The following THSD7A variants were observed in gnomAD, a reference collection of about 807,000 sequenced individuals.
The protein encoded by THSD7A is thrombospondin type-1 domain-containing protein 7A.
THSD7A carries 96 observed loss-of-function variants against 231.3 expected under a neutral mutation model. That is an observed-to-expected ratio of 0.41 (90% CI 0.35 to 0.49). The LOEUF (loss-of-function observed/expected upper bound fraction) is 0.49, where lower values mean the gene tolerates loss of function less well. Among genes scored for constraint, THSD7A ranks in the 20% least tolerant of loss-of-function variants. The probability of loss-of-function intolerance (pLI) is 0.05; values close to 1 mark genes in which losing one functional copy is unlikely to be tolerated. For synonymous variants in THSD7A, 940 were observed against 743.3 expected, an observed-to-expected ratio of 1.26 and a Z score of -4.30; for missense variants, 2,290 against 2,070.2, an observed-to-expected ratio of 1.11 and a Z score of -2.06.
chr7:11,494,150 C>T (rs561753307), intron 6 of THSD7A, among the ~76,000 whole-genome samples: 1 of 152,050 alleles, frequency 6.6e-6, no homozygotes, highest in South Asian at 2.1e-4. Flanking sequence ...CAATGTGGCA[C>T]AAATAGTCAG....
At chr7:11,494,792 A>G (rs955719316) in intron 6 of THSD7A, among the ~76,000 whole-genome samples, 5 of 152,064 alleles carry the variant, frequency 3.3e-5, no homozygotes, top group Admixed American at 1.3e-4. Context: ...GAGCATTCTT[A>G]TGGGCACTTC....
chr7:11,769,147 A>ATTTTTTTTTTTCTTTT (rs1562541356), intron 1 of THSD7A, among the ~76,000 whole-genome samples: 1 of 35,654 alleles, frequency 2.8e-5, no homozygotes, highest in Non-Finnish European at 6.1e-5. Context: ...ATATATATAT[A>ATTTTTTTTTTTCTTTT]TATATATTTT....
At chr7:11,473,601 T>G (rs1221361463) in intron 8 of THSD7A, among the ~76,000 whole-genome samples, 1 of 152,066 alleles carries the variant, frequency 6.6e-6, no homozygotes, top group African/African-American at 2.4e-5. Flanking sequence ...TTTTTTAGAG[T>G]AGATTTATTA....
chr7:11,744,444 T>A (rs1031974541), intron 1 of THSD7A, among the ~76,000 whole-genome samples: 5 of 151,844 alleles, frequency 3.3e-5, no homozygotes, highest in African/African-American at 1.2e-4. Flanking sequence ...ATTTTTATTT[T>A]TTTATTTTTT....
intron 1 of THSD7A, among the ~76,000 whole-genome samples, chr7:11,690,952 C>G (rs900009461): frequency 1.3e-5 from 2 of 151,540 alleles, no homozygotes; most frequent in African/African-American, 4.8e-5. Flanking sequence ...GGTATAGTCA[C>G]AGAATTTTAA....
chr7:11,500,876 C>T (rs1454729692), intron 6 of THSD7A, among the ~76,000 whole-genome samples: 6 of 150,598 alleles, frequency 4.0e-5, no homozygotes, highest in Non-Finnish European at 5.9e-5. Flanking sequence ...CAAAGTTGCA[C>T]TGAGCTGAGA....
In THSD7A at chr7:11,447,185, C is replaced by A; in HGVS notation, c.2800+45G>T. On this transcript the variant is annotated intron_variant, in intron 12 of 27. Transcript: ENST00000423059. ...TCTCAGTCTGACTTGTATTATGTTC[C>A]TCTACTTTGACGTGTACTGGCTTTG... The A allele has an allele frequency of 1.9e-6, 3 of 1,575,750 alleles. No homozygotes were observed. In the South Asian group the frequency reaches 3.4e-5, roughly 18 times the overall value.
At position 11,442,357 on chromosome 7, in the gene THSD7A, C is replaced by T. The variant is rs117887453; in HGVS notation, c.3064+3704G>A. Among the ~76,000 whole-genome samples, 144 of 152,036 alleles carry T rather than the reference C, an allele frequency of 9.5e-4. 4 individuals carry two copies. The East Asian group carries it at 0.025, about 26-fold the overall frequency. Reference sequence around the variant, plus strand: ...TATAATTAAGCTGGTAAAAGTCAAACTGGTTTATGAATATAATAACTGGTA... The same window carrying T: ...TATAATTAAGCTGGTAAAAGTCAAATTGGTTTATGAATATAATAACTGGTA... On this transcript the variant is annotated intron_variant, in intron 13 of 27. Transcript: ENST00000423059.
chr7:11,602,858 T>A (rs1057133131), intron 2 of THSD7A, among the ~76,000 whole-genome samples: 2 of 151,268 alleles, frequency 1.3e-5, no homozygotes, highest in African/African-American at 4.9e-5. Context: ...TCTCAGGTTT[T>A]TATGGTTTTA....
At chr7:11,714,032 G>A (rs1781049642) in intron 1 of THSD7A, among the ~76,000 whole-genome samples, 1 of 151,106 alleles carries the variant, frequency 6.6e-6, no homozygotes, top group African/African-American at 2.4e-5. Flanking sequence ...GAAAATTTAA[G>A]TTAAATATGT....
At chr7:11,517,220 A>T (rs1370490619) in intron 6 of THSD7A, among the ~76,000 whole-genome samples, 1 of 152,082 alleles carries the variant, frequency 6.6e-6, no homozygotes, top group Non-Finnish European at 1.5e-5. Flanking sequence ...TTGGGATTAC[A>T]GGTGCCCACC....
intron 11 of THSD7A, among the ~76,000 whole-genome samples, chr7:11,458,551 C>G (rs1006731556): frequency 1.8e-4 from 27 of 152,030 alleles, no homozygotes; most frequent in African/African-American, 6.5e-4. Context: ...TGCTGAGGTA[C>G]AGCAAGTTGT....
chr7:11,640,423 T>C (rs555820521), intron 1 of THSD7A, among the ~76,000 whole-genome samples: 2 of 152,312 alleles, frequency 1.3e-5, no homozygotes, highest in African/African-American at 4.8e-5. Context: ...TTTTGATTTT[T>C]ATCTAGTTAT....
chr7:11,687,014 T>TA (rs959736276), intron 1 of THSD7A, among the ~76,000 whole-genome samples: 2 of 151,746 alleles, frequency 1.3e-5, no homozygotes, highest in South Asian at 2.1e-4. Flanking sequence ...TCTCAATGAA[T>TA]AAAAAAATAA....
At position 11,657,027 on chromosome 7, in the gene THSD7A, C is replaced by A. The variant is rs376749078; in HGVS notation, c.191-20066G>T. On this transcript the variant is annotated intron_variant, in intron 1 of 27. Transcript: ENST00000423059. ...CATGTATTAAATTTTACATTGTGTC[C>A]TACAGTCATGATCTTGAAGAGTGAG... 3.6e-4 allele frequency among the ~76,000 whole-genome samples: 54 copies of A among 151,702 alleles called. No individual in the cohort carries two copies. In the East Asian group the frequency reaches 9.7e-3, roughly 27 times the overall value.
chr7:11,651,542 T>C (rs16877020), intron 1 of THSD7A, among the ~76,000 whole-genome samples: 7,510 of 151,392 alleles, frequency 0.05, 206 homozygotes, highest in East Asian at 0.13. Context: ...CAATGAACTA[T>C]AGCCCACCCT....
intron 13 of THSD7A, among the ~76,000 whole-genome samples, chr7:11,442,790 A>C (rs1641083855): frequency 6.6e-6 from 1 of 152,076 alleles, no homozygotes; most frequent in Admixed American, 6.6e-5. Flanking sequence ...TACCAGATTG[A>C]GAAAGGAATG....
chr7:11,638,250 A>C (rs1215882430), intron 1 of THSD7A, among the ~76,000 whole-genome samples: 6 of 152,242 alleles, frequency 3.9e-5, no homozygotes, highest in African/African-American at 1.4e-4. Flanking sequence ...GATGAGAAAA[A>C]CAGGAAACAA....
Position 11,373,234 on chromosome 7 carries a change from T to G in THSD7A, c.*2560A>C, listed in dbSNP as rs990702861. ...GAATTAATGACATTTTACAATACCT[T>G]AAATATAGCTTTAGTAGGTATTCTA... On this transcript the variant is annotated 3_prime_UTR_variant, in exon 28 of 28. Coordinates refer to ENST00000423059, the MANE Select transcript of THSD7A (RefSeq NM_015204.3). 6.6e-6 allele frequency: 1 copy of G among 152,094 alleles called. No individual in the cohort carries two copies. The highest frequency in any genetic ancestry group is 1.5e-5 in the Non-Finnish European group (1 of 67,978). The allele number at this position is 152,094 out of a possible 1,614,324, so 9.4% of individuals were successfully genotyped here.
Sources: allele counts gnomAD v4.1 joint callset (sites outside exome capture counted in the v4.1 genomes callset), GRCh38; gene constraint gnomAD v4.1.1; transcripts MANE v1.5; gene names NCBI Gene and HGNC (gene_info 2026-07-23, HGNC 2026-07-21).